The following RASA1 variants were observed in gnomAD, a reference collection of about 807,000 sequenced individuals.
RASA1 encodes RAS p21 protein activator 1, also known as ras GTPase-activating protein 1.
A neutral mutation model predicts 132.2 loss-of-function variants in RASA1; 25 were observed. The ratio of observed to expected loss-of-function variants is 0.19; its 90% CI spans 0.14 to 0.26. The LOEUF (loss-of-function observed/expected upper bound fraction) is 0.26, where lower values mean the gene tolerates loss of function less well. Ranked by LOEUF, RASA1 falls within the 10% of genes least tolerant of loss-of-function variation. The pLI is 1.00. For synonymous variants in RASA1, 477 were observed against 449.9 expected (o/e 1.06, Z -0.76); for missense variants, 964 against 1,299.2 (o/e 0.74, Z 3.97).
chr5:87,271,452 C>CTTTTTTTTTTT (rs201918763), intron 1 of RASA1, among the ~76,000 whole-genome samples: 12 of 38,220 alleles, frequency 3.1e-4, no homozygotes, highest in Non-Finnish European at 4.5e-4. Flanking sequence ...TAGTAGACTT[C>CTTTTTTTTTTT]TTTTTTTTTT....
In RASA1 at chr5:87,268,319, C is replaced by G; in HGVS notation, c.-133C>G. ...AGGGGGCGCGGCGGCGGGCTCTCTC[C>G]TTTTGTTGTTGTTTCCTCAGCCTGG... On this transcript the variant is annotated 5_prime_UTR_variant, in exon 1 of 25. Coordinates refer to ENST00000274376, the MANE Select transcript of RASA1 (RefSeq NM_002890.3). The G allele has an allele frequency of 2.7e-6, 3 of 1,129,842 alleles. No homozygotes were observed. Among genetic ancestry groups the G allele is most frequent in the Non-Finnish European group, 3.6e-6 (3 of 826,656 alleles). 70.0% of individuals were successfully genotyped at this position (1,129,842 alleles called of 1,614,324 possible). A position where few individuals can be genotyped will look rare whatever the true frequency, so the allele number is the denominator to read the frequency against.
intron 12 of RASA1, among the ~76,000 whole-genome samples, chr5:87,371,467 A>G (rs1760934395): frequency 1.3e-5 from 2 of 152,190 alleles, no homozygotes; most frequent in Non-Finnish European, 2.9e-5. Flanking sequence ...TTTGTTTTTA[A>G]TAAACCTTAG....
At chr5:87,283,482 A>G (rs1230585536) in intron 1 of RASA1, among the ~76,000 whole-genome samples, 1 of 152,038 alleles carries the variant, frequency 6.6e-6, no homozygotes, top group African/African-American at 2.4e-5. Flanking sequence ...TGATTAATAT[A>G]TGTTTACTAT....
At chr5:87,386,591 A>G (rs1762078349) in intron 22 of RASA1, among the ~76,000 whole-genome samples, 2 of 152,028 alleles carry the variant, frequency 1.3e-5, no homozygotes, top group Admixed American at 1.3e-4. Context: ...CCATTTGCTT[A>G]TATACTAGAA....
intron 1 of RASA1, among the ~76,000 whole-genome samples, chr5:87,275,510 G>A (rs1754024036): frequency 6.6e-6 from 1 of 151,948 alleles, no homozygotes; most frequent in Admixed American, 6.6e-5. Flanking sequence ...GCAGCTGGTA[G>A]ATGGCTGGGC....
At chr5:87,319,710 A>G (rs1756633462) in intron 1 of RASA1, among the ~76,000 whole-genome samples, 1 of 152,066 alleles carries the variant, frequency 6.6e-6, no homozygotes, top group African/African-American at 2.4e-5. Flanking sequence ...AGGGGCAGCC[A>G]TGAAGATCTC....
intron 1 of RASA1, among the ~76,000 whole-genome samples, chr5:87,282,695 T>C (rs902506095): frequency 6.6e-6 from 1 of 152,234 alleles, no homozygotes; most frequent in Non-Finnish European, 1.5e-5. Flanking sequence ...CTTACGTTAC[T>C]GTCTTACAGA....
chr5:87,271,449 CTTCT>C (rs1753829594), intron 1 of RASA1, among the ~76,000 whole-genome samples: 2 of 67,494 alleles, frequency 3.0e-5, no homozygotes, highest in Admixed American at 1.4e-4. Context: ...TTTTAGTAGA[CTTCT>C]TTTTTTTTTT....
chr5:87,338,241 G>T, intron 5 of RASA1, 150 bp downstream of exon 5: 4 of 1,261,680 alleles, frequency 3.2e-6, no homozygotes, highest in Non-Finnish European at 4.4e-6. Flanking sequence ...CTGTTTGTTA[G>T]TATGGAACAT....
intron 4 of RASA1, 26 bp downstream of exon 4, chr5:87,333,363 T>C (rs753346644): frequency 3.7e-6 from 6 of 1,610,142 alleles, no homozygotes; most frequent in Admixed American, 1.7e-5. Flanking sequence ...TTCTCATGTA[T>C]AGGCATTTGA....
intron 1 of RASA1, among the ~76,000 whole-genome samples, chr5:87,283,144 T>A (rs11951605): frequency 2.0e-5 from 3 of 146,682 alleles, no homozygotes; most frequent in Non-Finnish European, 3.0e-5. Context: ...TGTTTTTTTT[T>A]TGTGTTTTTT....
chr5:87,365,527 T>C (rs1196273013), intron 11 of RASA1, among the ~76,000 whole-genome samples: 1 of 152,096 alleles, frequency 6.6e-6, no homozygotes. Flanking sequence ...GAAGTTAAAA[T>C]TGTTTTAATT....
At chr5:87,364,400 C>CA (rs2112461769) in intron 11 of RASA1, among the ~76,000 whole-genome samples, 1 of 152,206 alleles carries the variant, frequency 6.6e-6, no homozygotes, top group South Asian at 2.1e-4. Flanking sequence ...GCTGATTGAA[C>CA]AAATAGTTTT....
chr5:87,319,814 C>G (rs1580251094), intron 1 of RASA1, among the ~76,000 whole-genome samples: 1 of 152,198 alleles, frequency 6.6e-6, no homozygotes, highest in African/African-American at 2.4e-5. Context: ...GCTTGAATTT[C>G]TCCCCCCAAA....
intron 2 of RASA1, among the ~76,000 whole-genome samples, chr5:87,331,836 C>T (rs571448269): frequency 1.3e-5 from 2 of 152,092 alleles, no homozygotes; most frequent in Admixed American, 1.3e-4. Flanking sequence ...GTGTAGGAAA[C>T]CCTGTTTAAA....
At chr5:87,372,258 AT>A in intron 13 of RASA1, 63 bp downstream of exon 13, 2 of 1,465,760 alleles carry the variant, frequency 1.4e-6, no homozygotes, top group South Asian at 1.2e-5. Context: ...TGCTCTTTTT[AT>A]TTTATTTTTA....
intron 1 of RASA1, among the ~76,000 whole-genome samples, chr5:87,317,311 C>T (rs1756418911): frequency 6.6e-6 from 1 of 152,146 alleles, no homozygotes; most frequent in Non-Finnish European, 1.5e-5. Flanking sequence ...CATTTTACCA[C>T]ACTGCTTAAG....
chr5:87,268,470 G>C lies in RASA1; in HGVS notation c.19G>C (p.Gly7Arg), dbSNP rs1250999130. Residue 7 changes from glycine (G) to arginine (R), a missense_variant, in exon 1 of 25, where the codon GGC (glycine) becomes CGC (arginine). By Grantham distance (125) the Gly-to-Arg change is moderately radical. Coordinates refer to ENST00000274376, the MANE Select transcript of RASA1 (RefSeq NM_002890.3). Reference protein sequence around the residue: MMAAEAGSEEGGPVTAG... With the variant: MMAAEARSEEGGPVTAG... ...CTTCAACATGATGGCGGCCGAGGCC[G>C]GCAGTGAGGAGGGCGGCCCGGTAAC... is the stretch of plus-strand genomic sequence containing the variant. 2 of 1,550,870 alleles carry C rather than the reference G, an allele frequency of 1.3e-6. No homozygotes were observed. The highest frequency in any genetic ancestry group is 2.0e-5 in the Admixed American group (1 of 50,966).
intron 1 of RASA1, among the ~76,000 whole-genome samples, chr5:87,287,525 C>A (rs1426311035): frequency 6.9e-6 from 1 of 145,110 alleles, no homozygotes; most frequent in Admixed American, 6.9e-5. Flanking sequence ...CATATATATA[C>A]CATATATATA....
Sources: gnomAD v4.1 joint callset for allele counts (sites outside exome capture counted in the v4.1 genomes callset) on GRCh38, gnomAD v4.1.1 for gene constraint, MANE v1.5 for transcripts, NCBI Gene and HGNC (gene_info 2026-07-23, HGNC 2026-07-21) for gene names.